The following LYPLAL1 variants were observed in gnomAD, a reference collection of about 807,000 sequenced individuals.
LYPLAL1 encodes lysophospholipase-like protein 1.
LYPLAL1 carries 23 observed loss-of-function variants against 19.7 expected under a neutral mutation model. That is an observed-to-expected ratio of 1.17 (90% CI 0.84 to 1.65). The LOEUF (loss-of-function observed/expected upper bound fraction) is 1.65, where lower values mean the gene tolerates loss of function less well. Among genes scored for constraint, LYPLAL1 ranks in the 40% most tolerant of loss-of-function variants. The pLI, the probability that LYPLAL1 is intolerant of heterozygous loss-of-function variation, is 0.00. For synonymous variants in LYPLAL1, 119 were observed against 96.3 expected (o/e 1.24, Z -1.38); for missense variants, 355 against 279.4 (o/e 1.27, Z -1.93).
At chr1:219,187,060 A>G (rs1236546608) in intron 2 of LYPLAL1, among the ~76,000 whole-genome samples, 7 of 150,764 alleles carry the variant, frequency 4.6e-5, no homozygotes, top group Non-Finnish European at 1.0e-4. Flanking sequence ...GTAACTATAT[A>G]GGTCCCTTTA....
the LYPLAL1 span, among the ~76,000 whole-genome samples, chr1:219,398,858 T>C: frequency 1.3e-5 from 2 of 152,186 alleles, no homozygotes; most frequent in African/African-American, 4.8e-5. Flanking sequence ...ATGCTCTAAC[T>C]CTGGATGACT....
At chr1:219,408,568 A>G in the LYPLAL1 span, among the ~76,000 whole-genome samples, 3 of 152,102 alleles carry the variant, frequency 2.0e-5, no homozygotes, top group Non-Finnish European at 2.9e-5. Context: ...TTATAAATAT[A>G]TAATAAGCAG....
At chr1:219,241,126 CTCTCTCTCTATA>C in the LYPLAL1 span, among the ~76,000 whole-genome samples, 16 of 89,330 alleles carry the variant, frequency 1.8e-4, no homozygotes, top group African/African-American at 2.6e-4. Context: ...CTCTCTCTCT[CTCTCTCTCTATA>C]TATATATATA....
the LYPLAL1 span, among the ~76,000 whole-genome samples, chr1:219,373,873 A>AC: frequency 2.0e-4 from 3 of 15,360 alleles, no homozygotes; most frequent in African/African-American, 3.2e-4. Flanking sequence ...CAAAAAAAAA[A>AC]AAAAAAAACA....
chr1:219,322,607 A>G, the LYPLAL1 span, among the ~76,000 whole-genome samples: 5 of 152,256 alleles, frequency 3.3e-5, no homozygotes, highest in Middle Eastern at 3.4e-3. Flanking sequence ...GAAATTGTTT[A>G]CTTGAAACTT....
the LYPLAL1 span, among the ~76,000 whole-genome samples, chr1:219,402,051 AC>A: frequency 1.2e-4 from 19 of 152,300 alleles, no homozygotes; most frequent in African/African-American, 4.6e-4. Context: ...TCTTTCTTGG[AC>A]AATTCATCAT....
chr1:219,301,750 C>T, the LYPLAL1 span, among the ~76,000 whole-genome samples: 1 of 145,242 alleles, frequency 6.9e-6, no homozygotes, highest in Non-Finnish European at 1.5e-5. Context: ...CTTCTATACT[C>T]TCCTATTTTT....
chr1:219,372,880 G>T, the LYPLAL1 span, among the ~76,000 whole-genome samples: 1 of 151,876 alleles, frequency 6.6e-6, no homozygotes, highest in African/African-American at 2.4e-5. Context: ...CTCCAGCCTG[G>T]GCTACACAGT....
chr1:219,259,602 G>C, the LYPLAL1 span, among the ~76,000 whole-genome samples: 1 of 151,390 alleles, frequency 6.6e-6, no homozygotes, highest in African/African-American at 2.4e-5. Context: ...CGGACACAAA[G>C]GCATAAGAAT....
chr1:219,257,064 T>C, the LYPLAL1 span, among the ~76,000 whole-genome samples: 1 of 152,044 alleles, frequency 6.6e-6, no homozygotes, highest in Non-Finnish European at 1.5e-5. Context: ...TTGGATCATG[T>C]TTCTTAATTG....
intron 2 of LYPLAL1, 151 bp from the exon 3 acceptor site, chr1:219,192,931 A>G: frequency 1.4e-6 from 1 of 719,696 alleles, no homozygotes; most frequent in East Asian, 2.9e-5. Context: ...TACAATATAC[A>G]TGAGAGTAGT....
chr1:219,442,400 T>G, the LYPLAL1 span, among the ~76,000 whole-genome samples: 15 of 152,306 alleles, frequency 9.8e-5, no homozygotes, highest in South Asian at 2.9e-3. Context: ...GAAAAGAAAT[T>G]ATCATTTGGA....
At chr1:219,395,547 TTTCCTCTCA>T in the LYPLAL1 span, among the ~76,000 whole-genome samples, 16 of 152,182 alleles carry the variant, frequency 1.1e-4, no homozygotes, top group African/African-American at 3.9e-4. Flanking sequence ...TTGGCAAAAA[TTTCCTCTCA>T]TTCTGTAGGT....
At chr1:219,267,628 A>T in the LYPLAL1 span, among the ~76,000 whole-genome samples, 1 of 152,180 alleles carries the variant, frequency 6.6e-6, no homozygotes, top group Non-Finnish European at 1.5e-5. Context: ...AGGGCTTCTG[A>T]TCCATTCCTT....
the LYPLAL1 span, among the ~76,000 whole-genome samples, chr1:219,255,573 A>G: frequency 4.8e-3 from 724 of 151,870 alleles, 8 homozygotes; most frequent in African/African-American, 0.016. Flanking sequence ...TTCCTCTCCA[A>G]TTCCTATGCC....
chr1:219,342,076 T>C, the LYPLAL1 span, among the ~76,000 whole-genome samples: 1 of 152,290 alleles, frequency 6.6e-6, no homozygotes, highest in African/African-American at 2.4e-5. Context: ...AACTTATCCA[T>C]AGCCACCTTG....
At chr1:219,316,031 A>C in the LYPLAL1 span, among the ~76,000 whole-genome samples, 1 of 152,156 alleles carries the variant, frequency 6.6e-6, no homozygotes, top group East Asian at 1.9e-4. Context: ...AACCTATCTC[A>C]AAGATCCAAT....
chr1:219,413,371 G>A, the LYPLAL1 span, among the ~76,000 whole-genome samples: 2 of 152,058 alleles, frequency 1.3e-5, no homozygotes, highest in African/African-American at 4.8e-5. Flanking sequence ...TTTCATATGG[G>A]CTTTTCGGAC....
chr1:219,442,689 TCTTC>T, the LYPLAL1 span: 1 of 152,194 alleles, frequency 6.6e-6, no homozygotes, highest in Non-Finnish European at 1.5e-5. Context: ...TTATTTCTTT[TCTTC>T]CTTCCTGCTC....
Sources: gnomAD v4.1 joint callset for allele counts (sites outside exome capture counted in the v4.1 genomes callset) on GRCh38, gnomAD v4.1.1 for gene constraint, MANE v1.5 for transcripts, NCBI Gene and HGNC (gene_info 2026-07-23, HGNC 2026-07-21) for gene names.